The following ABLIM2 variants were observed in gnomAD, a reference collection of about 807,000 sequenced individuals.
ABLIM2 encodes the protein actin binding LIM protein family member 2.
A neutral mutation model predicts 97.7 loss-of-function variants in ABLIM2; 53 were observed. That is an observed-to-expected ratio of 0.54 (90% CI 0.44 to 0.68). The LOEUF (loss-of-function observed/expected upper bound fraction) is 0.68, where lower values mean the gene tolerates loss of function less well. Ranked by LOEUF, ABLIM2 falls within the 30% of genes least tolerant of loss-of-function variation. ABLIM2 has a pLI of 0.00. For missense variants in ABLIM2, 835 were observed against 867.2 expected (o/e 0.96, Z 0.47); for synonymous variants, 361 against 345.8 (o/e 1.04, Z -0.49).
In ABLIM2 at chr4:8,020,192, C is replaced by T. The variant is rs375924609; in HGVS notation, c.1369+10G>A. On this transcript the variant is annotated intron_variant, in intron 13 of 20. Transcript: ENST00000447017. ...TGTAAGGAGCCCAGCCAGCGTGTCC[C>T]GGAGCCTACCTGGGACGTGGAAGTG... 40 of 1,610,672 alleles carry T rather than the reference C, an allele frequency of 2.5e-5. No homozygotes were observed. The highest frequency in any genetic ancestry group is 1.7e-4 in the African/African-American group (13 of 74,822).
intron 1 of ABLIM2, among the ~76,000 whole-genome samples, chr4:8,121,589 G>A (rs1468684288): frequency 6.6e-6 from 1 of 152,250 alleles, no homozygotes; most frequent in African/African-American, 2.4e-5. Flanking sequence ...CAAGTCTGTG[G>A]CCAGGCCAAC....
intron 16 of ABLIM2, 27 bp downstream of exon 16, chr4:8,008,032 G>A (rs17180256): frequency 0.71 from 1,140,123 of 1,612,212 alleles, 404,902 homozygotes; most frequent in African/African-American, 0.83. Flanking sequence ...TGCACATCAC[G>A]GCTCCTTCTT....
At chr4:8,126,080 A>T (rs1413244688) in intron 1 of ABLIM2, among the ~76,000 whole-genome samples, 1 of 151,858 alleles carries the variant, frequency 6.6e-6, no homozygotes, top group Non-Finnish European at 1.5e-5. Context: ...CATGGGTTGG[A>T]CTCCAGGGCC....
chr4:7,969,753 A>ACACACACACACACACACACACACACACC (rs1726203541), intron 20 of ABLIM2, among the ~76,000 whole-genome samples: 1 of 151,686 alleles, frequency 6.6e-6, no homozygotes, highest in Admixed American at 6.6e-5. Context: ...ACACACACAC[A>ACACACACACACACACACACACACACACC]CACACACACA....
At chr4:8,040,271 G>A (rs942409154) in intron 9 of ABLIM2, among the ~76,000 whole-genome samples, 2 of 152,146 alleles carry the variant, frequency 1.3e-5, no homozygotes, top group East Asian at 1.9e-4. Context: ...AGAGCAGGGG[G>A]CCAGGCGCAC....
In ABLIM2 at chr4:7,999,125, G is replaced by T. The variant is rs1755393138; in HGVS notation, c.1619-6198C>A. ...TTGTTCCCCGGGCTGGAGTACAATG[G>T]CGTGATCTTGGCTCACTGCAACCTC... is the stretch of plus-strand genomic sequence containing the variant. On this transcript the variant is annotated intron_variant, in intron 16 of 20. Transcript: ENST00000447017. The surrounding 1 kb of genome is among the most constrained non-coding windows in gnomAD (Gnocchi z 4.4). Among the ~76,000 whole-genome samples, 1 of 152,136 alleles carries T rather than the reference G, an allele frequency of 6.6e-6. No individual in the cohort carries two copies. The highest frequency in any genetic ancestry group is 6.6e-5 in the Admixed American group (1 of 15,264).
At chr4:8,037,524 C>T (rs900280721) in intron 9 of ABLIM2, among the ~76,000 whole-genome samples, 3 of 151,960 alleles carry the variant, frequency 2.0e-5, no homozygotes, top group Non-Finnish European at 2.9e-5. Flanking sequence ...GCAATCACTC[C>T]CCAGGCCCAT....
chr4:8,145,482 C>A (rs1450509060), intron 1 of ABLIM2, among the ~76,000 whole-genome samples: 2 of 152,110 alleles, frequency 1.3e-5, no homozygotes, highest in Admixed American at 1.3e-4. Flanking sequence ...CCGCGCCCGG[C>A]CAGGTATTGA....
At chr4:8,144,575 T>G (rs2152950805) in intron 1 of ABLIM2, among the ~76,000 whole-genome samples, 1 of 152,308 alleles carries the variant, frequency 6.6e-6, no homozygotes, top group East Asian at 1.9e-4. Context: ...GCCATTCAGC[T>G]GAGCACAGGG....
At position 8,124,812 on chromosome 4, in the gene ABLIM2, C is replaced by T. The variant is rs1847120324; in HGVS notation, c.11-18175G>A. Among the ~76,000 whole-genome samples the T allele has an allele frequency of 1.3e-5, 2 of 152,100 alleles. No homozygotes were observed. The highest frequency in any genetic ancestry group is 2.9e-5 in the Non-Finnish European group (2 of 68,028). On this transcript the variant is annotated intron_variant, in intron 1 of 20. Coordinates refer to ENST00000447017, the MANE Select transcript of ABLIM2 (RefSeq NM_001130083.2). The surrounding 1 kb of genome is among the most constrained non-coding windows in gnomAD (Gnocchi z 6.1). ...CTGGGTCCTGTGGTCACTCTGTGTG[C>T]CACCTTTCAAGGAACAGTCAGACTA...
At chr4:8,066,129 G>A (rs1430629620) in intron 6 of ABLIM2, among the ~76,000 whole-genome samples, 55 of 149,794 alleles carry the variant, frequency 3.7e-4, no homozygotes, top group Non-Finnish European at 7.3e-4. Context: ...GTGAAACCCT[G>A]TCTCTACTAA....
In ABLIM2 at chr4:8,009,111, G is replaced by A; in HGVS notation, c.1424-9C>T. On this transcript the variant is annotated splice_polypyrimidine_tract_variant and intron_variant, in intron 14 of 20. Coordinates refer to ENST00000447017, the MANE Select transcript of ABLIM2 (RefSeq NM_001130083.2). ...ATCCGATCGCCTGGCAGCTGGAAGG[G>A]AAAAATCCATTTGTAAAGGCCACAC... 5.0e-6 allele frequency: 8 copies of A among 1,614,026 alleles called. No individual in the cohort carries two copies. Among genetic ancestry groups the A allele is most frequent in the Non-Finnish European group, 6.8e-6 (8 of 1,179,900 alleles).
At chr4:8,029,842 T>A in intron 10 of ABLIM2, 66 bp from the exon 11 acceptor site, 1 of 1,521,490 alleles carries the variant, frequency 6.6e-7, no homozygotes, top group Non-Finnish European at 8.9e-7. Flanking sequence ...TGTCCACCCA[T>A]CCCCCGACAC....
At chr4:8,052,848 A>G (rs1796909652) in intron 8 of ABLIM2, among the ~76,000 whole-genome samples, 1 of 152,242 alleles carries the variant, frequency 6.6e-6, no homozygotes, top group Non-Finnish European at 1.5e-5. Flanking sequence ...GCTACAGGAC[A>G]TCAGAGTCAC....
chr4:8,029,587 A>AAC, intron 11 of ABLIM2, 69 bp downstream of exon 11: 2 of 181,032 alleles, frequency 1.1e-5, no homozygotes, highest in Non-Finnish European at 1.6e-5. Context: ...AAAAAAAACT[A>AAC]AAAAAAAAAA....
Position 7,966,142 on chromosome 4 carries a change from A to T in ABLIM2, c.*848T>A, listed in dbSNP as rs1257282277. Reference sequence around the variant, plus strand: ...GAAAAAGAAAAAAGAAAAAGAAAAGAAACTAGACAGGGAGCTCTGTGTATG... The same window carrying T: ...GAAAAAGAAAAAAGAAAAAGAAAAGTAACTAGACAGGGAGCTCTGTGTATG... On this transcript the variant is annotated 3_prime_UTR_variant, in exon 21 of 21. Coordinates refer to ENST00000447017, the MANE Select transcript of ABLIM2 (RefSeq NM_001130083.2). The T allele has an allele frequency of 2.6e-5, 4 of 152,398 alleles. No individual in the cohort carries two copies. Among genetic ancestry groups the T allele is most frequent in the Middle Eastern group, 3.2e-3 (1 of 316 alleles). The allele number at this position is 152,398 out of a possible 1,614,324, so 9.4% of individuals were successfully genotyped here. A position where few individuals can be genotyped will look rare whatever the true frequency, so the allele number is the denominator to read the frequency against.
chr4:8,111,717 G>C (rs1840419900), intron 1 of ABLIM2, among the ~76,000 whole-genome samples: 1 of 152,142 alleles, frequency 6.6e-6, no homozygotes, highest in Admixed American at 6.5e-5. Context: ...ACTGAGGTCA[G>C]GAGTTTGAGA....
chr4:8,133,824 G>A (rs1283012103), intron 1 of ABLIM2, among the ~76,000 whole-genome samples: 1 of 152,234 alleles, frequency 6.6e-6, no homozygotes, highest in East Asian at 1.9e-4. Context: ...AACAACCCAG[G>A]CAGCCAATGG....
intron 8 of ABLIM2, among the ~76,000 whole-genome samples, chr4:8,053,517 A>G (rs541931242): frequency 1.3e-5 from 2 of 152,262 alleles, no homozygotes; most frequent in African/African-American, 4.8e-5. Flanking sequence ...CACAGACATG[A>G]GGGGGGTCTT....
Sources: allele counts gnomAD v4.1 joint callset (sites outside exome capture counted in the v4.1 genomes callset), GRCh38; gene constraint gnomAD v4.1.1; non-coding constraint Gnocchi (gnomAD v3.1); transcripts MANE v1.5; gene names NCBI Gene and HGNC (gene_info 2026-07-23, HGNC 2026-07-21).